EPM2A: variants seen among roughly 807,000 people sequenced by gnomAD.
EPM2A encodes the protein laforin.
In EPM2A, 21 loss-of-function variants were observed where a neutral mutation model predicts 26.5. That is an observed-to-expected ratio of 0.79 (90% CI 0.56 to 1.14). EPM2A has a LOEUF of 1.14. Ranked by LOEUF, EPM2A falls within the 50% of genes most tolerant of loss-of-function variation. EPM2A has a pLI of 0.00. For missense variants in EPM2A, 458 were observed against 440.8 expected (o/e 1.04, Z -0.35); for synonymous variants, 217 against 177.6 (o/e 1.22, Z -1.76).
chr6:145,557,755 C>G (rs868059211), intron 2 of EPM2A, among the ~76,000 whole-genome samples: 2 of 152,164 alleles, frequency 1.3e-5, no homozygotes, highest in Middle Eastern at 3.4e-3. Flanking sequence ...TAAAACTACT[C>G]TACTGTCTCA....
chr6:145,412,211 T>A, intron 4 of EPM2A, among the ~76,000 whole-genome samples: 1 of 107,600 alleles, frequency 9.3e-6, no homozygotes, highest in East Asian at 3.5e-4. Flanking sequence ...TGAGACTCTG[T>A]CTCAAAAAAA....
chr6:145,426,291 C>T (rs947935574), intron 4 of EPM2A, among the ~76,000 whole-genome samples: 3 of 152,194 alleles, frequency 2.0e-5, no homozygotes, highest in African/African-American at 7.2e-5. Context: ...GCATGTATAA[C>T]TCATCCTATG....
At position 145,546,324 on chromosome 6, in the gene EPM2A, GGA is replaced by G. The variant is rs145231074; in HGVS notation, c.341-43751_341-43750del. 2.0e-5 allele frequency among the ~76,000 whole-genome samples: 3 copies of G among 152,106 alleles called. No individual in the cohort carries two copies. The Middle Eastern group carries it at 0.01, about 517-fold the overall frequency. The stretch of plus-strand genomic sequence containing the variant: ...AGAAGATAGGTAACCCAGCTTTGGG[GGA>G]GAGAGAGAGAAAGAAAAAAAAGTTC... On this transcript the variant is annotated intron_variant, in intron 2 of 3. Transcript: ENST00000450221.
intron 2 of EPM2A, among the ~76,000 whole-genome samples, chr6:145,673,955 T>G (rs1334733601): frequency 1.3e-5 from 2 of 152,170 alleles, no homozygotes; most frequent in African/African-American, 4.8e-5. Context: ...CTCCCAGCAT[T>G]TGAGCACTGA....
intron 2 of EPM2A, among the ~76,000 whole-genome samples, chr6:145,591,308 AT>A (rs1781270429): frequency 6.6e-6 from 1 of 152,194 alleles, no homozygotes; most frequent in Admixed American, 6.5e-5. Flanking sequence ...GGTTGAGAAA[AT>A]TTCTGGAATT....
chr6:145,552,297 C>T (rs1210971201), intron 2 of EPM2A, among the ~76,000 whole-genome samples: 1 of 152,010 alleles, frequency 6.6e-6, no homozygotes, highest in Non-Finnish European at 1.5e-5. Flanking sequence ...ATTTTAGACA[C>T]ATAATAGTGA....
chr6:145,573,227 T>A (rs1366423730), intron 2 of EPM2A, among the ~76,000 whole-genome samples: 2 of 152,210 alleles, frequency 1.3e-5, no homozygotes, highest in Non-Finnish European at 2.9e-5. Flanking sequence ...CTGAATAAGA[T>A]TATAACACAA....
At chr6:145,639,347 T>C (rs1221093126) in intron 2 of EPM2A, 1 of 152,200 alleles carries the variant, frequency 6.6e-6, no homozygotes, top group Non-Finnish European at 1.5e-5. Flanking sequence ...AACCTGGCTA[T>C]GCATTCAAGT....
chr6:145,456,192 A>C (rs550075496), intron 4 of EPM2A, among the ~76,000 whole-genome samples: 2 of 152,352 alleles, frequency 1.3e-5, no homozygotes, highest in South Asian at 4.1e-4. Context: ...ATTTACTGCT[A>C]TGATAGTAAT....
At position 145,492,156 on chromosome 6, in the gene EPM2A, T is replaced by A. The variant is rs1048495433; in HGVS notation, c.555+10366A>T. On this transcript the variant is annotated intron_variant, in intron 4 of 4. Coordinates refer to the EPM2A transcript ENST00000638717. Reference sequence around the variant, plus strand: ...CTGAAGCAGGAAATTTTCCCTGGCCTTTTTGCAGGCAGGAACTGGAGTGTG... The same window carrying A: ...CTGAAGCAGGAAATTTTCCCTGGCCATTTTGCAGGCAGGAACTGGAGTGTG... 4 of 209,052 alleles carry A rather than the reference T, an allele frequency of 1.9e-5. No individual in the cohort carries two copies. The Admixed American group carries it at 2.4e-4, about 12-fold the overall frequency. 12.9% of individuals were successfully genotyped at this position (209,052 alleles called of 1,614,324 possible). A position where few individuals can be genotyped will look rare whatever the true frequency, so the allele number is the denominator to read the frequency against.
At chr6:145,527,333 A>G (rs1458217219) in intron 2 of EPM2A, among the ~76,000 whole-genome samples, 1 of 151,988 alleles carries the variant, frequency 6.6e-6, no homozygotes, top group Non-Finnish European at 1.5e-5. Context: ...TTAAGTATAC[A>G]ATTTCTTTAT....
intron 4 of EPM2A, among the ~76,000 whole-genome samples, chr6:145,408,354 T>C (rs9376932): frequency 0.39 from 59,003 of 152,040 alleles, 11,851 homozygotes; most frequent in South Asian, 0.54. Context: ...ATGGGCCATG[T>C]GTGGGAGAGA....
At chr6:145,689,037 A>G (rs1457408382) in intron 1 of EPM2A, among the ~76,000 whole-genome samples, 1 of 152,254 alleles carries the variant, frequency 6.6e-6, no homozygotes, top group Non-Finnish European at 1.5e-5. Flanking sequence ...TATTAAAAAT[A>G]TAATTGTTGA....
At chr6:145,579,411 G>A (rs1781082286) in intron 2 of EPM2A, among the ~76,000 whole-genome samples, 2 of 152,136 alleles carry the variant, frequency 1.3e-5, no homozygotes, top group African/African-American at 4.8e-5. Context: ...GCATGTCCTG[G>A]AGAATTGCCC....
intron 3 of EPM2A, among the ~76,000 whole-genome samples, chr6:145,634,340 T>C (rs1220521849): frequency 1.3e-5 from 2 of 152,194 alleles, no homozygotes; most frequent in Non-Finnish European, 2.9e-5. Flanking sequence ...TGCCATAGCC[T>C]GTGCTGCTGC....
intron 1 of EPM2A, among the ~76,000 whole-genome samples, chr6:145,706,699 C>A (rs1475797671): frequency 1.3e-5 from 2 of 152,108 alleles, no homozygotes; most frequent in Non-Finnish European, 2.9e-5. Context: ...TGTGTATACG[C>A]ATGTGTTAGT....
intron 3 of EPM2A, chr6:145,630,110 G>C (rs752225462): frequency 6.6e-6 from 1 of 152,160 alleles, no homozygotes; most frequent in African/African-American, 2.4e-5. Context: ...AAGTTAAAAA[G>C]GGGCATGTGT....
intron 2 of EPM2A, among the ~76,000 whole-genome samples, chr6:145,543,754 T>G (rs1284486006): frequency 6.6e-6 from 1 of 152,186 alleles, no homozygotes; most frequent in Non-Finnish European, 1.5e-5. Context: ...TCCAGACCAC[T>G]CATTACATTG....
intron 2 of EPM2A, among the ~76,000 whole-genome samples, chr6:145,595,050 T>C (rs747991862): frequency 6.6e-6 from 1 of 151,956 alleles, no homozygotes; most frequent in Non-Finnish European, 1.5e-5. Context: ...CTTTTTAAAA[T>C]GTTTTTCTTC....
Sources: gnomAD v4.1 joint callset for allele counts (sites outside exome capture counted in the v4.1 genomes callset) on GRCh38, gnomAD v4.1.1 for gene constraint, MANE v1.5 for transcripts, NCBI Gene and HGNC (gene_info 2026-07-23, HGNC 2026-07-21) for gene names.